The following ERN1 variants were observed in gnomAD, a reference collection of about 807,000 sequenced individuals.
ERN1 encodes the protein serine/threonine-protein kinase/endoribonuclease IRE1.
Under a neutral mutation model 113.1 loss-of-function variants are expected in ERN1, and 39 were observed. The observed-to-expected ratio is 0.34, with a 90% CI of 0.27 to 0.45. ERN1 has a LOEUF of 0.45. ERN1 is among the 20% of genes least tolerant of loss of function. ERN1 has a pLI of 1.00. For synonymous variants in ERN1, 507 were observed against 515.9 expected (o/e 0.98, Z 0.23); for missense variants, 976 against 1,274.8 (o/e 0.77, Z 3.57).
At chr17:64,078,099 C>A in intron 4 of ERN1, among the ~76,000 whole-genome samples, 1 of 152,218 alleles carries the variant, frequency 6.6e-6, no homozygotes, top group East Asian at 1.9e-4. Context: ...GACTTTAGCA[C>A]TTACTGCCAA....
intron 1 of ERN1, among the ~76,000 whole-genome samples, chr17:64,119,376 G>GTTGTTTTTTTTTTTTTTTTTTTTT (rs777806993): frequency 6.4e-5 from 5 of 77,910 alleles, no homozygotes; most frequent in Admixed American, 1.3e-4. Flanking sequence ...TTTTTTCTAG[G>GTTGTTTTTTTTTTTTTTTTTTTTT]TTTTTTTTTT....
intron 6 of ERN1, among the ~76,000 whole-genome samples, chr17:64,068,514 G>A (rs530484363): frequency 8.1e-4 from 123 of 152,312 alleles, no homozygotes; most frequent in African/African-American, 2.3e-3. Flanking sequence ...ACCCACCCTC[G>A]CTATGCCCTT....
At chr17:64,098,371 T>C (rs1227529259) in intron 1 of ERN1, 130 bp from the exon 2 acceptor site, 7 of 1,197,578 alleles carry the variant, frequency 5.8e-6, no homozygotes, top group East Asian at 2.3e-5. Flanking sequence ...AAATGGAAGG[T>C]GGAGAGCCTA....
chr17:64,117,978 A>G (rs948947478), intron 1 of ERN1, among the ~76,000 whole-genome samples: 2 of 152,176 alleles, frequency 1.3e-5, no homozygotes, highest in African/African-American at 4.8e-5. Flanking sequence ...TATGTACTCA[A>G]AAAGTTGATA....
rs200682006 is a variant in ERN1 at position 64,071,129 on chromosome 17, C to T, written c.478+852G>A. On this transcript the variant is annotated intron_variant, in intron 6 of 21. Transcript: ENST00000433197. ...TGCGGTGAAGAGGGTGCAAGCCATG[C>T]CTGTCAAGGGACAATGACGAGGGGT... 2.0e-5 allele frequency among the ~76,000 whole-genome samples: 3 copies of T among 152,264 alleles called. No homozygotes were observed. The East Asian group carries it at 5.8e-4, about 29-fold the overall frequency.
rs556323695 is a variant in ERN1, at chr17:64,073,531, G to A, written c.356-1428C>T. Among the ~76,000 whole-genome samples the A allele has an allele frequency of 9.3e-5, 14 of 150,526 alleles. No individual in the cohort carries two copies. In the South Asian group the frequency reaches 2.1e-3, roughly 23 times the overall value. On this transcript the variant is annotated intron_variant, in intron 5 of 21. Transcript: ENST00000433197. ...TTTTGAGACGGAGTCTCGCTCTGTC[G>A]CCCAGGCTGGAGTGCAGTGGTGCAA...
chr17:64,067,616 AAC>A (rs1491318721), intron 7 of ERN1, among the ~76,000 whole-genome samples: 2 of 150,146 alleles, frequency 1.3e-5, no homozygotes, highest in Non-Finnish European at 3.0e-5. Flanking sequence ...CAAAAAAAAA[AAC>A]AACAAAAAAA....
At chr17:64,075,934 G>A (rs1054930071) in intron 4 of ERN1, among the ~76,000 whole-genome samples, 2 of 152,190 alleles carry the variant, frequency 1.3e-5, no homozygotes, top group Non-Finnish European at 2.9e-5. Flanking sequence ...CGAGGGAAAG[G>A]AGAAGTCGCC....
chr17:64,117,217 T>C (rs977063541), intron 1 of ERN1, among the ~76,000 whole-genome samples: 4 of 151,952 alleles, frequency 2.6e-5, no homozygotes, highest in African/African-American at 7.3e-5. Flanking sequence ...CCAAAGCAGG[T>C]GGATCACTTG....
At chr17:64,129,830 G>A in intron 1 of ERN1, 146 bp downstream of exon 1, 2 of 692,282 alleles carry the variant, frequency 2.9e-6, no homozygotes, top group South Asian at 5.5e-5. Context: ...CGCCCGGCCC[G>A]AGCCTCCCAC....
At position 64,049,035 on chromosome 17, in the gene ERN1, C is replaced by G. The variant is rs1912599532; in HGVS notation, c.2401+20G>C. The G allele has an allele frequency of 6.5e-7, 1 of 1,543,400 alleles. No individual in the cohort carries two copies. The highest frequency in any genetic ancestry group is 8.8e-7 in the Non-Finnish European group (1 of 1,135,020). ...GGCAGCTGAGGAGCTGCTCCCAACC[C>G]CAACCCCTGGACCGCTCACCGTGCT... On this transcript the variant is annotated intron_variant, in intron 18 of 21. Coordinates refer to ENST00000433197, the MANE Select transcript of ERN1 (RefSeq NM_001433.5). The surrounding 1 kb of genome is among the most constrained non-coding windows in gnomAD (Gnocchi z 4.7).
chr17:64,057,808 A>T lies in ERN1; in HGVS notation c.1392T>A (p.Tyr464Ter). The T allele has an allele frequency of 6.2e-7, 1 of 1,613,456 alleles. No individual in the cohort carries two copies. Among genetic ancestry groups the T allele is most frequent in the Non-Finnish European group, 8.5e-7 (1 of 1,179,758 alleles). ...GGGAATTGTTGAGCTTTACCAGGGGATAGGTGATGATGAAGGCCACCCAGC... is the reference window on the plus strand; with the variant it reads ...GGGAATTGTTGAGCTTTACCAGGGGTTAGGTGATGATGAAGGCCACCCAGC... ...LIGWVAFIIT[Y>*]PLSMHQQQQL... Residue 464 changes from tyrosine to a stop codon, truncating the protein, a stop_gained, in exon 12 of 22, where the codon TAT (tyrosine) becomes TAA (stop). Coordinates refer to ENST00000433197, the MANE Select transcript of ERN1 (RefSeq NM_001433.5). LOFTEE classifies it high-confidence loss of function.
At chr17:64,118,790 C>T (rs906063725) in intron 1 of ERN1, among the ~76,000 whole-genome samples, 3 of 152,180 alleles carry the variant, frequency 2.0e-5, no homozygotes, top group Admixed American at 1.3e-4. Context: ...GCTATAAAAA[C>T]CCTTCGAGGG....
chr17:64,079,633 G>T, intron 4 of ERN1, 29 bp downstream of exon 4: 1 of 1,574,796 alleles, frequency 6.4e-7, no homozygotes, highest in Non-Finnish European at 8.7e-7. Context: ...AGAACCCCTG[G>T]AGTACAAAAA....
chr17:64,059,773 G>C (rs775153228), intron 11 of ERN1, among the ~76,000 whole-genome samples: 1 of 151,614 alleles, frequency 6.6e-6, no homozygotes. Context: ...GAGAGCCCCT[G>C]GAACTCTGTG....
At chr17:64,116,909 C>T (rs1025047788) in intron 1 of ERN1, among the ~76,000 whole-genome samples, 13 of 149,632 alleles carry the variant, frequency 8.7e-5, no homozygotes, top group Non-Finnish European at 1.6e-4. Context: ...TTGAGACCAT[C>T]CTGGCTAACA....
chr17:64,092,463 T>A (rs1914119225), intron 2 of ERN1, among the ~76,000 whole-genome samples: 1 of 152,208 alleles, frequency 6.6e-6, no homozygotes, highest in Non-Finnish European at 1.5e-5. Flanking sequence ...TTTGTTCACC[T>A]GCTGTATACT....
At position 64,081,734 on chromosome 17, in the gene ERN1, A is replaced by G. The variant is rs1338240553; in HGVS notation, c.176-926T>C. On this transcript the variant is annotated intron_variant, in intron 2 of 21. Transcript: ENST00000433197. ...AGCAGGCATTACTTTTTAAATTGAGAACACGTTTTTTTCTCTAAGTCAATT... is the reference window on the plus strand; with the variant it reads ...AGCAGGCATTACTTTTTAAATTGAGGACACGTTTTTTTCTCTAAGTCAATT... Among the ~76,000 whole-genome samples the G allele has an allele frequency of 2.6e-5, 4 of 152,196 alleles. No individual in the cohort carries two copies. The East Asian group carries it at 7.7e-4, about 29-fold the overall frequency.
chr17:64,066,508 T>C (rs1215298398), intron 8 of ERN1, among the ~76,000 whole-genome samples, 163 bp downstream of exon 8: 1 of 152,204 alleles, frequency 6.6e-6, no homozygotes, highest in African/African-American at 2.4e-5. Context: ...CCTCAGCTCT[T>C]GTATTCTGAG....
Sources: allele counts gnomAD v4.1 joint callset (sites outside exome capture counted in the v4.1 genomes callset), GRCh38; gene constraint gnomAD v4.1.1; non-coding constraint Gnocchi (gnomAD v3.1); transcripts MANE v1.5; gene names NCBI Gene and HGNC (gene_info 2026-07-23, HGNC 2026-07-21).